The following KDM4C variants were observed in gnomAD, a reference collection of about 807,000 sequenced individuals.
KDM4C encodes lysine-specific demethylase 4C.
A neutral mutation model predicts 129.3 loss-of-function variants in KDM4C; 81 were observed. The observed-to-expected ratio is 0.63, with a 90% CI of 0.52 to 0.75. The LOEUF is 0.75. Among genes scored for constraint, KDM4C ranks in the 30% least tolerant of loss-of-function variants. The pLI is 0.00. For synonymous variants in KDM4C, 573 were observed against 456.1 expected (o/e 1.26, Z -3.26); for missense variants, 1,457 against 1,304.0 (o/e 1.12, Z -1.81).
intron 17 of KDM4C, among the ~76,000 whole-genome samples, chr9:7,052,894 A>AGAGAGAGAGAGAGAGAGCGAGAGAGC (rs1339242817): frequency 2.8e-5 from 3 of 105,500 alleles, no homozygotes; most frequent in South Asian, 3.8e-4. Context: ...AGAGAGAGAG[A>AGAGAGAGAGAGAGAGAGCGAGAGAGC]GAGAGAGCGA....
chr9:7,087,402 A>G (rs898756450), intron 17 of KDM4C, among the ~76,000 whole-genome samples: 15 of 152,178 alleles, frequency 9.9e-5, no homozygotes, highest in African/African-American at 3.6e-4. Context: ...CATTTCCAAT[A>G]AAAATATACT....
chr9:7,116,887 G>A (rs1362623144), intron 18 of KDM4C, among the ~76,000 whole-genome samples: 3 of 151,978 alleles, frequency 2.0e-5, no homozygotes, highest in Non-Finnish European at 4.4e-5. Flanking sequence ...TTTGTCTCCC[G>A]CTCAAAATGA....
chr9:6,729,443 T>G (rs921502779), intron 1 of KDM4C, among the ~76,000 whole-genome samples: 2 of 125,054 alleles, frequency 1.6e-5, no homozygotes, highest in Admixed American at 9.0e-5. Flanking sequence ...TAGGAGGCTT[T>G]GGTGGGAGGA....
At chr9:6,813,171 C>G (rs1477065479) in intron 3 of KDM4C, among the ~76,000 whole-genome samples, 1 of 151,906 alleles carries the variant, frequency 6.6e-6, no homozygotes, top group African/African-American at 2.4e-5. Context: ...GTGAGACCGT[C>G]TCAAAACAAA....
At position 6,919,247 on chromosome 9, in the gene KDM4C, T is replaced by TTTTCTTTCTTTCTTTCTTTCTTTCTTTC. The variant is rs141381388; in HGVS notation, c.921+26040_921+26041insTTCTTTCTTTCTTTCTTTCTTTCTTTCT. On this transcript the variant is annotated intron_variant, in intron 8 of 21. Coordinates refer to ENST00000381309, the MANE Select transcript of KDM4C (RefSeq NM_015061.6). The stretch of plus-strand genomic sequence containing the variant: ...CCTTCTTTCTTTCTTTCTTTCTTTC[T>TTTTCTTTCTTTCTTTCTTTCTTTCTTTC]TTTCTTTCTTTCTTTCTTTCTTTCT... 1.4e-3 allele frequency among the ~76,000 whole-genome samples: 147 copies of TTTTCTTTCTTTCTTTCTTTCTTTCTTTC among 106,318 alleles called. 5 individuals are homozygous for TTTTCTTTCTTTCTTTCTTTCTTTCTTTC. Among genetic ancestry groups the TTTTCTTTCTTTCTTTCTTTCTTTCTTTC allele is most frequent in the African/African-American group, 5.3e-3 (143 of 26,962 alleles). The allele number at this position is 106,318 out of a possible 152,430, so 69.7% of individuals were successfully genotyped here. A position where few individuals can be genotyped will look rare whatever the true frequency, so the allele number is the denominator to read the frequency against.
At chr9:7,056,853 A>C (rs1362110695) in intron 17 of KDM4C, among the ~76,000 whole-genome samples, 2 of 152,160 alleles carry the variant, frequency 1.3e-5, no homozygotes, top group African/African-American at 2.4e-5. Context: ...TAATTGAGTG[A>C]GTGAGCCAGG....
At chr9:6,782,135 T>G (rs891276647) in intron 1 of KDM4C, among the ~76,000 whole-genome samples, 1 of 152,040 alleles carries the variant, frequency 6.6e-6, no homozygotes, top group Non-Finnish European at 1.5e-5. Context: ...GGTTATAAAT[T>G]TTAGTGAGTA....
chr9:7,031,718 G>T (rs1826820143), intron 15 of KDM4C, among the ~76,000 whole-genome samples: 1 of 152,030 alleles, frequency 6.6e-6, no homozygotes. Flanking sequence ...AATATTGCTT[G>T]GTTATAAGTA....
intron 2 of KDM4C, among the ~76,000 whole-genome samples, chr9:6,799,073 T>C (rs1053374330): frequency 2.0e-5 from 3 of 150,366 alleles, no homozygotes; most frequent in African/African-American, 7.4e-5. Context: ...CGCTCCTCAC[T>C]TTCCAGACTG....
At chr9:6,821,903 G>A (rs1196269085) in intron 4 of KDM4C, among the ~76,000 whole-genome samples, 1 of 152,136 alleles carries the variant, frequency 6.6e-6, no homozygotes, top group Non-Finnish European at 1.5e-5. Flanking sequence ...CCAAAGTGCT[G>A]GGATTATAGG....
chr9:6,921,098 A>G (rs1246831048), intron 8 of KDM4C, among the ~76,000 whole-genome samples: 1 of 151,954 alleles, frequency 6.6e-6, no homozygotes, highest in Non-Finnish European at 1.5e-5. Flanking sequence ...CTTCTCGGTC[A>G]GTTTTGTTGG....
chr9:6,942,281 A>ATGTGTG (rs1487990512), intron 8 of KDM4C, among the ~76,000 whole-genome samples: 2 of 48,530 alleles, frequency 4.1e-5, no homozygotes, highest in African/African-American at 1.4e-4. Flanking sequence ...CTAGCCCTCA[A>ATGTGTG]AGTGTGTGTG....
intron 17 of KDM4C, among the ~76,000 whole-genome samples, chr9:7,094,342 T>A (rs1045973166): frequency 3.9e-5 from 6 of 152,206 alleles, no homozygotes; most frequent in African/African-American, 1.2e-4. Flanking sequence ...TTCTTTTTTT[T>A]TATTTTATTT....
At chr9:7,112,279 G>A (rs981152042) in intron 18 of KDM4C, among the ~76,000 whole-genome samples, 2 of 152,116 alleles carry the variant, frequency 1.3e-5, no homozygotes. Flanking sequence ...TTCTACAGTG[G>A]ATGGTCCCAT....
At chr9:6,794,497 T>C (rs1270601363) in intron 2 of KDM4C, among the ~76,000 whole-genome samples, 1 of 152,152 alleles carries the variant, frequency 6.6e-6, no homozygotes, top group Non-Finnish European at 1.5e-5. Flanking sequence ...ATGGTGGCTG[T>C]TTGTTTCTTT....
At chr9:6,768,241 T>A (rs1247510726) in intron 1 of KDM4C, among the ~76,000 whole-genome samples, 3 of 152,130 alleles carry the variant, frequency 2.0e-5, no homozygotes, top group Non-Finnish European at 4.4e-5. Context: ...TAGGGCTCTT[T>A]CTAGAAAATC....
intron 15 of KDM4C, among the ~76,000 whole-genome samples, chr9:7,024,132 A>G (rs1231389319): frequency 6.6e-6 from 1 of 152,078 alleles, no homozygotes. Flanking sequence ...TTCTGTAAAT[A>G]TCTGTTAGGT....
chr9:7,026,011 C>G (rs1373308582), intron 15 of KDM4C, among the ~76,000 whole-genome samples: 1 of 151,972 alleles, frequency 6.6e-6, no homozygotes, highest in Non-Finnish European at 1.5e-5. Flanking sequence ...TCGAGACCAT[C>G]CTGGAAAATG....
chr9:7,124,935 C>T (rs4742315), intron 18 of KDM4C, among the ~76,000 whole-genome samples: 98,281 of 151,908 alleles, frequency 0.65, 32,082 homozygotes, highest in Admixed American at 0.71. Flanking sequence ...CATTCTTGTC[C>T]GCAGTTCCTT....
Sources: gnomAD v4.1 joint callset for allele counts (sites outside exome capture counted in the v4.1 genomes callset) on GRCh38, gnomAD v4.1.1 for gene constraint, MANE v1.5 for transcripts, NCBI Gene and HGNC (gene_info 2026-07-23, HGNC 2026-07-21) for gene names.